Variants in HAO2 observed in about 807,000 individuals in gnomAD.
HAO2 encodes 2-Hydroxyacid oxidase 2.
Under a neutral mutation model 37.4 loss-of-function variants are expected in HAO2, and 42 were observed. That is an observed-to-expected ratio of 1.12 (90% CI 0.88 to 1.45). The LOEUF is 1.45. HAO2 is among the 40% of genes most tolerant of loss of function. HAO2 has a pLI of 0.00. For synonymous variants in HAO2, 180 were observed against 162.8 expected (o/e 1.11, Z -0.81); for missense variants, 476 against 430.2 (o/e 1.11, Z -0.94).
intron 4 of HAO2, 73 bp from the exon 5 acceptor site, chr1:119,386,549 G>C (rs1339332820): frequency 2.2e-6 from 2 of 918,136 alleles, no homozygotes; most frequent in Non-Finnish European, 3.6e-6. Flanking sequence ...CTCTCTAAAT[G>C]TGTCTCATCT....
In HAO2 at chr1:119,394,085, C is replaced by T. The variant is rs1651140353; in HGVS notation, c.*245C>T. The T allele has an allele frequency of 7.8e-7, 1 of 1,288,190 alleles. No homozygotes were observed. The highest frequency in any genetic ancestry group is 1.0e-6 in the Non-Finnish European group (1 of 1,002,822). The allele number at this position is 1,288,190 out of a possible 1,614,324, so 79.8% of individuals were successfully genotyped here. On this transcript the variant is annotated 3_prime_UTR_variant, in exon 8 of 8. Coordinates refer to ENST00000325945, the MANE Select transcript of HAO2 (RefSeq NM_016527.4). The stretch of plus-strand genomic sequence containing the variant: ...ATGTTGCTCTCTTGCCTAAATCTTC[C>T]TCTGAAGTAAAAGATCTCAAAAGGA...
intron 5 of HAO2, among the ~76,000 whole-genome samples, chr1:119,391,811 A>G (rs771952746): frequency 1.3e-5 from 2 of 152,198 alleles, no homozygotes; most frequent in Admixed American, 6.5e-5. Context: ...AGTAAACATT[A>G]TAAGTGGAAA....
At position 119,381,070 on chromosome 1, in the gene HAO2, C is replaced by G. The variant is rs369350042; in HGVS notation, c.-8-8C>G. 3.1e-6 allele frequency: 5 copies of G among 1,612,644 alleles called. No homozygotes were observed. The highest frequency in any genetic ancestry group is 1.3e-5 in the African/African-American group (1 of 74,894). On this transcript the variant is annotated splice_polypyrimidine_tract_variant and splice_region_variant and intron_variant, in intron 1 of 7. Coordinates refer to ENST00000325945, the MANE Select transcript of HAO2 (RefSeq NM_016527.4). ...GGGTTTGGTTTGGTTTTGTTTTCTC[C>G]TTGGAAGGTCCAGAAATGTCCTTGG...
In HAO2 at chr1:119,388,490, C is replaced by T. The variant is rs371238994; in HGVS notation, c.771+1659C>T. ...GTAGGGGCCAGGGAGAGGAGAATTT[C>T]TCCTATCTTATTGTGCTAATCAACT... is the stretch of plus-strand genomic sequence containing the variant. On this transcript the variant is annotated intron_variant, in intron 5 of 7. Coordinates refer to ENST00000325945, the MANE Select transcript of HAO2 (RefSeq NM_016527.4). 5.9e-5 allele frequency among the ~76,000 whole-genome samples: 9 copies of T among 152,290 alleles called. No homozygotes were observed. In the South Asian group the frequency reaches 1.7e-3, roughly 28 times the overall value.
chr1:119,371,191 A>C (rs1269612650), intron 1 of HAO2, among the ~76,000 whole-genome samples: 1 of 152,196 alleles, frequency 6.6e-6, no homozygotes, highest in Non-Finnish European at 1.5e-5. Flanking sequence ...AAGACATTGG[A>C]AACAAGTCAG....
At chr1:119,374,623 C>T (rs1649298630) in intron 1 of HAO2, among the ~76,000 whole-genome samples, 1 of 152,198 alleles carries the variant, frequency 6.6e-6, no homozygotes, top group Non-Finnish European at 1.5e-5. Context: ...GCTGACTTTT[C>T]TCCCCCGTTG....
In HAO2 at chr1:119,368,830, G is replaced by A. The variant is rs777398943; in HGVS notation, c.-81G>A. 2 of 152,108 alleles carry A rather than the reference G, an allele frequency of 1.3e-5. No homozygotes were observed. The highest frequency in any genetic ancestry group is 2.9e-5 in the Non-Finnish European group (2 of 68,052). 9.4% of individuals were successfully genotyped at this position (152,108 alleles called of 1,614,324 possible). On this transcript the variant is annotated 5_prime_UTR_variant, in exon 1 of 8. Transcript: ENST00000325945. The stretch of plus-strand genomic sequence containing the variant: ...ATGTGGTGTGTTTCCTAACACCTCC[G>A]GCAGTGAGCCAGGCTTTGAGTGGCT...
chr1:119,369,453 C>T (rs76638165), intron 1 of HAO2, among the ~76,000 whole-genome samples: 8,696 of 152,130 alleles, frequency 0.057, 329 homozygotes, highest in Admixed American at 0.1. Flanking sequence ...GATCAACCTG[C>T]GGAGAACTGC....
At chr1:119,375,827 G>A (rs1649409026) in intron 1 of HAO2, among the ~76,000 whole-genome samples, 1 of 152,126 alleles carries the variant, frequency 6.6e-6, no homozygotes, top group South Asian at 2.1e-4. Flanking sequence ...CGGATCTCAT[G>A]AGACTTTTTC....
intron 5 of HAO2, among the ~76,000 whole-genome samples, chr1:119,388,673 C>A (rs1302701549): frequency 6.6e-6 from 1 of 152,124 alleles, no homozygotes; most frequent in East Asian, 1.9e-4. Context: ...AATCCTAGCC[C>A]CAGGTCTATT....
rs2101287860 is a variant in HAO2, at chr1:119,392,165, T to A, written c.827T>A (p.Leu276Gln). ...AAVKGKIEVY[L>Q]DGGVRTGNDV... The stretch of plus-strand genomic sequence containing the variant: ...GTAAAGGGGAAAATTGAAGTCTACC[T>A]GGATGGCGGGGTCCGAACTGGCAAT... The change falls in exon 6 of 8, where the codon CTG becomes CAG. Residue 276 changes from leucine (L) to glutamine (Q), a missense_variant. Physicochemically the swap from Leu to Gln is moderately radical, Grantham distance 113. Transcript: ENST00000325945. 1 of 1,613,386 alleles carries A rather than the reference T, an allele frequency of 6.2e-7. No individual in the cohort carries two copies. The highest frequency in any genetic ancestry group is 2.2e-5 in the East Asian group (1 of 44,826).
chr1:119,385,494 A>T, intron 4 of HAO2: 1 of 761,692 alleles, frequency 1.3e-6, no homozygotes. Context: ...GACTGGCCAG[A>T]CAGTCTAGAC....
At chr1:119,388,023 A>G (rs1650524443) in intron 5 of HAO2, among the ~76,000 whole-genome samples, 1 of 152,154 alleles carries the variant, frequency 6.6e-6, no homozygotes, top group African/African-American at 2.4e-5. Flanking sequence ...GTCACCCTTC[A>G]CTGTGTCTCT....
At chr1:119,383,215 C>T (rs587731535) in intron 3 of HAO2, 149 bp downstream of exon 3, 33 of 574,968 alleles carry the variant, frequency 5.7e-5, no homozygotes, top group African/African-American at 1.5e-4. Flanking sequence ...CTTAAAGCTA[C>T]GTTTGTGTAA....
At chr1:119,370,481 T>C (rs925871603) in intron 1 of HAO2, 1 of 152,142 alleles carries the variant, frequency 6.6e-6, no homozygotes, top group Non-Finnish European at 1.5e-5. Flanking sequence ...TTATTAACAA[T>C]CTAGTCTATA....
chr1:119,388,140 C>T (rs1010110293), intron 5 of HAO2, among the ~76,000 whole-genome samples: 1 of 152,184 alleles, frequency 6.6e-6, no homozygotes, highest in Non-Finnish European at 1.5e-5. Flanking sequence ...TGAGCTCTCT[C>T]ACCCAACCCC....
At chr1:119,381,242 T>A in intron 2 of HAO2, 26 bp downstream of exon 2, 1 of 1,588,886 alleles carries the variant, frequency 6.3e-7, no homozygotes, top group Non-Finnish European at 8.6e-7. Context: ...GCCTGTCTAT[T>A]GTTAGGTTAA....
At chr1:119,385,143 A>C in intron 4 of HAO2, 90 bp downstream of exon 4, 1 of 1,516,806 alleles carries the variant, frequency 6.6e-7, no homozygotes, top group Non-Finnish European at 8.8e-7. Context: ...TTCTTTCCAC[A>C]GGCATTTATC....
chr1:119,390,248 T>A (rs58322461), intron 5 of HAO2, among the ~76,000 whole-genome samples: 5,882 of 150,388 alleles, frequency 0.039, 250 homozygotes, highest in East Asian at 0.19. Context: ...CAGCATGGTA[T>A]TATTTGGATT....
Sources: allele counts gnomAD v4.1 joint callset (sites outside exome capture counted in the v4.1 genomes callset), GRCh38; gene constraint gnomAD v4.1.1; transcripts MANE v1.5; gene names NCBI Gene and HGNC (gene_info 2026-07-23, HGNC 2026-07-21).